RPS6KA2: variants seen among roughly 807,000 people sequenced by gnomAD.
The protein encoded by RPS6KA2 is ribosomal protein S6 kinase alpha-2.
A neutral mutation model predicts 91.8 loss-of-function variants in RPS6KA2; 42 were observed. The observed-to-expected ratio is 0.46, with a 90% CI of 0.36 to 0.59. RPS6KA2 has a LOEUF of 0.59. Ranked by LOEUF, RPS6KA2 falls within the 20% of genes least tolerant of loss-of-function variation. RPS6KA2 has a pLI of 0.00. For missense variants in RPS6KA2, 798 were observed against 978.5 expected, an observed-to-expected ratio of 0.82 and a Z score of 2.46; for synonymous variants, 414 against 393.6, an observed-to-expected ratio of 1.05 and a Z score of -0.61.
At chr6:166,507,565 C>A (rs1311106174) in intron 5 of RPS6KA2, among the ~76,000 whole-genome samples, 3 of 151,428 alleles carry the variant, frequency 2.0e-5, no homozygotes, top group Admixed American at 1.3e-4. Flanking sequence ...CACACACAAA[C>A]ACACCCCACA....
intron 1 of RPS6KA2, among the ~76,000 whole-genome samples, chr6:166,584,397 A>C (rs4710071): frequency 6.6e-6 from 1 of 152,088 alleles, no homozygotes; most frequent in Non-Finnish European, 1.5e-5. Context: ...GGAGCTTCCA[A>C]ATGTGAACAT....
chr6:166,614,171 C>T (rs187217563), intron 1 of RPS6KA2, among the ~76,000 whole-genome samples: 1 of 152,366 alleles, frequency 6.6e-6, no homozygotes, highest in East Asian at 1.9e-4. Flanking sequence ...CCACTCATGG[C>T]TCCCTGCCAT....
intron 1 of RPS6KA2, among the ~76,000 whole-genome samples, chr6:166,604,583 C>T (rs1172238623): frequency 6.6e-6 from 1 of 152,198 alleles, no homozygotes; most frequent in Non-Finnish European, 1.5e-5. Context: ...TATGCCGTGC[C>T]TCGGGCCTTA....
intron 2 of RPS6KA2, among the ~76,000 whole-genome samples, chr6:166,708,671 A>G (rs1789760929): frequency 6.6e-6 from 1 of 152,240 alleles, no homozygotes; most frequent in South Asian, 2.1e-4. Flanking sequence ...GTCACCAGGC[A>G]GTGCACACTG....
intron 3 of RPS6KA2, among the ~76,000 whole-genome samples, chr6:166,527,544 A>G (rs191242681): frequency 1.6e-4 from 25 of 152,382 alleles, no homozygotes; most frequent in Admixed American, 5.9e-4. Flanking sequence ...GTTCATTTTA[A>G]GAATAACAGC....
intron 2 of RPS6KA2, among the ~76,000 whole-genome samples, chr6:166,794,343 A>C (rs1779168960): frequency 6.6e-6 from 1 of 152,170 alleles, no homozygotes; most frequent in Non-Finnish European, 1.5e-5. Context: ...ATCATTAAAA[A>C]GTGAGGAAAC....
intron 2 of RPS6KA2, among the ~76,000 whole-genome samples, chr6:166,685,145 A>G (rs1036838259): frequency 5.9e-5 from 9 of 151,698 alleles, no homozygotes; most frequent in African/African-American, 2.2e-4. Context: ...CATGACCCTG[A>G]TGGAGTATGG....
intron 2 of RPS6KA2, among the ~76,000 whole-genome samples, chr6:166,669,520 G>C (rs140032616): frequency 6.1e-4 from 93 of 152,284 alleles, no homozygotes; most frequent in Non-Finnish European, 1.0e-3. Context: ...GCGTTTTCAT[G>C]ATGGCTCCAA....
chr6:166,796,724 G>C (rs1029690237), intron 2 of RPS6KA2, among the ~76,000 whole-genome samples: 1 of 152,186 alleles, frequency 6.6e-6, no homozygotes, highest in Non-Finnish European at 1.5e-5. Flanking sequence ...CCTTTCAGTT[G>C]CTCAAAACTA....
In RPS6KA2 at chr6:166,612,190, TG is replaced by T. The variant is rs968338004; in HGVS notation, c.99+14730del. Among the ~76,000 whole-genome samples the T allele has an allele frequency of 3.9e-5, 6 of 151,942 alleles. No homozygotes were observed. Among genetic ancestry groups the T allele is most frequent in the Non-Finnish European group, 8.8e-5 (6 of 67,988 alleles). Reference sequence around the variant, plus strand: ...AGGGCCAGGGAACTCACTGACCATCTGGGGGGGCTCTAGGAAAAGCCTGGAA... The same window carrying T: ...AGGGCCAGGGAACTCACTGACCATCTGGGGGGCTCTAGGAAAAGCCTGGAA... On this transcript the variant is annotated intron_variant, in intron 1 of 20. Coordinates refer to ENST00000265678, the MANE Select transcript of RPS6KA2 (RefSeq NM_021135.6). This position sits in a 1 kb window ranked among gnomAD's most constrained non-coding sequence, Gnocchi z 4.3.
At chr6:166,647,875 T>G (rs1395891915) in intron 2 of RPS6KA2, among the ~76,000 whole-genome samples, 2 of 94,608 alleles carry the variant, frequency 2.1e-5, no homozygotes, top group Non-Finnish European at 4.4e-5. Context: ...CACATGCACA[T>G]GCTGACACAC....
chr6:166,829,737 A>G (rs1465120658), intron 2 of RPS6KA2, among the ~76,000 whole-genome samples: 2 of 152,192 alleles, frequency 1.3e-5, no homozygotes, highest in African/African-American at 2.4e-5. Flanking sequence ...AAGCAACCCA[A>G]TGGTCCATCA....
intron 2 of RPS6KA2, among the ~76,000 whole-genome samples, chr6:166,842,677 A>G (rs894384605): frequency 4.6e-5 from 7 of 152,212 alleles, no homozygotes; most frequent in Admixed American, 2.0e-4. Flanking sequence ...ACGTCCCACA[A>G]CTTGTGTCTC....
chr6:166,517,063 A>G (rs1211704980), intron 3 of RPS6KA2, among the ~76,000 whole-genome samples: 1 of 152,160 alleles, frequency 6.6e-6, no homozygotes, highest in Non-Finnish European at 1.5e-5. Flanking sequence ...AGAAAGATAG[A>G]TGTCTTATAT....
At chr6:166,609,891 T>C (rs918945915) in intron 1 of RPS6KA2, among the ~76,000 whole-genome samples, 7 of 152,230 alleles carry the variant, frequency 4.6e-5, no homozygotes, top group African/African-American at 1.7e-4. Flanking sequence ...CAAACTGGAA[T>C]ACTCAGGCAA....
chr6:166,800,440 G>A (rs182166521), intron 2 of RPS6KA2, among the ~76,000 whole-genome samples: 4 of 152,316 alleles, frequency 2.6e-5, no homozygotes, highest in Admixed American at 6.5e-5. Context: ...GAACACAAAC[G>A]TCAGCATGAC....
At chr6:166,622,854 A>C (rs747247326) in intron 1 of RPS6KA2, among the ~76,000 whole-genome samples, 13 of 152,362 alleles carry the variant, frequency 8.5e-5, no homozygotes, top group Admixed American at 7.8e-4. Context: ...ATACCCTGAT[A>C]GCAAGCTTCT....
intron 2 of RPS6KA2, among the ~76,000 whole-genome samples, chr6:166,705,442 A>T (rs1449157121): frequency 2.6e-5 from 4 of 152,188 alleles, no homozygotes; most frequent in African/African-American, 9.6e-5. Flanking sequence ...ACCCTTAGGG[A>T]ACTAGAAGAA....
rs1778800638 is a variant in RPS6KA2, at chr6:166,423,423, A to G, written c.1582-6T>C. 6.2e-7 allele frequency: 1 copy of G among 1,604,780 alleles called. No individual in the cohort carries two copies. Among genetic ancestry groups the G allele is most frequent in the African/African-American group, 1.3e-5 (1 of 74,804 alleles). Reference sequence around the variant, plus strand: ...TTCAGGTCTCGATGAACAACCTGCAAGACAGAAGGCACAGTGCCTACTTGG... The same window carrying G: ...TTCAGGTCTCGATGAACAACCTGCAGGACAGAAGGCACAGTGCCTACTTGG... On this transcript the variant is annotated splice_region_variant and splice_polypyrimidine_tract_variant and intron_variant, in intron 16 of 20. Transcript: ENST00000265678. This position sits in a 1 kb window ranked among gnomAD's most constrained non-coding sequence, Gnocchi z 4.8.
Sources: allele counts gnomAD v4.1 joint callset (sites outside exome capture counted in the v4.1 genomes callset), GRCh38; gene constraint gnomAD v4.1.1; non-coding constraint Gnocchi (gnomAD v3.1); transcripts MANE v1.5; gene names NCBI Gene and HGNC (gene_info 2026-07-23, HGNC 2026-07-21).